The following TBC1D2B variants were observed in gnomAD, a reference collection of about 807,000 sequenced individuals.
TBC1D2B encodes TBC1 domain family member 2B.
In TBC1D2B, 64 loss-of-function variants were observed where a neutral mutation model predicts 100.8. The ratio of observed to expected loss-of-function variants is 0.64; its 90% CI spans 0.52 to 0.78. The LOEUF is 0.78. Ranked by LOEUF, TBC1D2B falls within the 30% of genes least tolerant of loss-of-function variation. The pLI is 0.00. For synonymous variants in TBC1D2B, 480 were observed against 479.7 expected, an observed-to-expected ratio of 1.00 and a Z score of -0.01; for missense variants, 1,052 against 1,218.4, an observed-to-expected ratio of 0.86 and a Z score of 2.03.
chr15:78,039,785 C>T (rs903000726), intron 3 of TBC1D2B, among the ~76,000 whole-genome samples: 7 of 148,486 alleles, frequency 4.7e-5, no homozygotes, highest in South Asian at 4.3e-4. Flanking sequence ...CACACACACA[C>T]GCAATTTACT....
intron 12 of TBC1D2B, among the ~76,000 whole-genome samples, chr15:78,001,195 T>C (rs575287716): frequency 6.6e-6 from 1 of 152,322 alleles, no homozygotes; most frequent in Admixed American, 6.5e-5. Context: ...CCCAGCTTAT[T>C]TGGCCTTTCT....
chr15:78,040,648 AAG>A (rs1219678327), intron 3 of TBC1D2B, among the ~76,000 whole-genome samples: 22 of 28,466 alleles, frequency 7.7e-4, no homozygotes, highest in Admixed American at 2.9e-3. Context: ...GAAAGAAAGG[AAG>A]AGAAAGAAAG....
At position 78,064,091 on chromosome 15, in the gene TBC1D2B, C is replaced by T. The variant is rs549180282; in HGVS notation, c.361-9904G>A. Among the ~76,000 whole-genome samples, 3 of 152,254 alleles carry T rather than the reference C, an allele frequency of 2.0e-5. No homozygotes were observed. In the South Asian group the frequency reaches 6.2e-4, roughly 32 times the overall value. On this transcript the variant is annotated intron_variant, in intron 1 of 12. Transcript: ENST00000300584. Reference sequence around the variant, plus strand: ...GCCCCACACTCCACAGAACTATAACCTTTCTCCCACACAAAAGGCCCACAA... The same window carrying T: ...GCCCCACACTCCACAGAACTATAACTTTTCTCCCACACAAAAGGCCCACAA...
chr15:78,068,577 G>C (rs1342202298), intron 1 of TBC1D2B, among the ~76,000 whole-genome samples: 1 of 152,208 alleles, frequency 6.6e-6, no homozygotes, highest in East Asian at 1.9e-4. Context: ...TCAAAGACTA[G>C]ACCAGGAGCA....
intron 2 of TBC1D2B, 134 bp from the exon 3 acceptor site, chr15:78,045,202 A>AT: frequency 1.4e-6 from 1 of 729,972 alleles, no homozygotes; most frequent in Non-Finnish European, 2.1e-6. Flanking sequence ...TGTATACTAC[A>AT]TAAAAACATA....
chr15:78,048,661 G>C (rs867672517), intron 2 of TBC1D2B, among the ~76,000 whole-genome samples: 67 of 152,338 alleles, frequency 4.4e-4, no homozygotes, highest in Middle Eastern at 3.4e-3. Flanking sequence ...TAAATCCAGT[G>C]TGAACCCGGG....
At position 78,013,088 on chromosome 15, in the gene TBC1D2B, A is replaced by G; in HGVS notation, c.2005T>C (p.Ser669Pro). ...TCCACACACCACTTCCACACCTTGG[A>G]ACGGTGCTCGTGGGGAATGCCCGCA... ...IRAGIPHEHR[S>P]KVWKWCVDRH... The change falls in exon 9 of 13, where the codon TCC becomes CCC. Residue 669 changes from serine (S) to proline (P), a missense_variant. Transcript: ENST00000300584. 1 of 1,613,970 alleles carries G rather than the reference A, an allele frequency of 6.2e-7. No individual in the cohort carries two copies. The highest frequency in any genetic ancestry group is 8.5e-7 in the Non-Finnish European group (1 of 1,179,880).
chr15:78,018,440 A>G (rs2072431618), intron 6 of TBC1D2B, among the ~76,000 whole-genome samples: 1 of 152,252 alleles, frequency 6.6e-6, no homozygotes, highest in Admixed American at 6.5e-5. Flanking sequence ...ATCACTCTTA[A>G]TAACAAATCC....
chr15:78,048,788 C>T (rs1318898883), intron 2 of TBC1D2B, among the ~76,000 whole-genome samples: 3 of 152,244 alleles, frequency 2.0e-5, no homozygotes, highest in Non-Finnish European at 4.4e-5. Context: ...TGCCTACAAC[C>T]GGACTGCCTC....
chr15:78,043,518 G>A (rs2073131323), intron 3 of TBC1D2B, among the ~76,000 whole-genome samples: 1 of 152,084 alleles, frequency 6.6e-6, no homozygotes, highest in South Asian at 2.1e-4. Flanking sequence ...TCCCACCTCA[G>A]CCTCCAAGTA....
chr15:78,052,979 C>G (rs552058418), intron 2 of TBC1D2B, among the ~76,000 whole-genome samples: 1 of 152,302 alleles, frequency 6.6e-6, no homozygotes, highest in South Asian at 2.1e-4. Context: ...AAAACTCTCA[C>G]AGAAAACATA....
chr15:78,055,580 C>T (rs1262353780), intron 1 of TBC1D2B, among the ~76,000 whole-genome samples: 24 of 152,158 alleles, frequency 1.6e-4, no homozygotes, highest in Non-Finnish European at 1.5e-5. Flanking sequence ...TAGCCCTAGA[C>T]CAAACTACTA....
intron 1 of TBC1D2B, among the ~76,000 whole-genome samples, chr15:78,072,374 G>A (rs140381325): frequency 9.8e-5 from 15 of 152,344 alleles, no homozygotes; most frequent in Admixed American, 2.6e-4. Context: ...GCCATGAAAA[G>A]TTAAATTCCC....
At position 78,016,630 on chromosome 15, in the gene TBC1D2B, A is replaced by G; in HGVS notation, c.1691T>C (p.Val564Ala). 1 of 1,611,636 alleles carries G rather than the reference A, an allele frequency of 6.2e-7. No individual in the cohort carries two copies. Among genetic ancestry groups the G allele is most frequent in the South Asian group, 1.1e-5 (1 of 90,696 alleles). ...AGCATCCTCCAGCAACTGGGCTATG[A>G]CCTCCCGGGTGGGCCCCTGGTCTTC... ...CSEDQGPTRE[V>A]IAQLLEDALQ... Residue 564 changes from valine (V) to alanine (A), a missense_variant, in exon 8 of 13, where the codon GTC becomes GCC. Val to Ala is a moderately conservative substitution (Grantham distance 64). This residue lies in a region of TBC1D2B where 373 missense variants were observed against 464.9 expected (regional missense o/e 0.80). Coordinates refer to ENST00000300584, the MANE Select transcript of TBC1D2B (RefSeq NM_144572.2).
chr15:77,999,423 A>G, intron 12 of TBC1D2B: 2 of 365,982 alleles, frequency 5.5e-6, no homozygotes, highest in Non-Finnish European at 1.1e-5. Context: ...CAGAGGCTTA[A>G]GGTCAGAAAG....
chr15:78,060,804 C>T (rs766403448), intron 1 of TBC1D2B, among the ~76,000 whole-genome samples: 8 of 152,102 alleles, frequency 5.3e-5, no homozygotes, highest in African/African-American at 1.9e-4. Context: ...GTAATCCCAG[C>T]TACTCGGGAG....
chr15:78,047,703 G>C (rs1462947514), intron 2 of TBC1D2B, among the ~76,000 whole-genome samples: 5 of 152,190 alleles, frequency 3.3e-5, no homozygotes, highest in Non-Finnish European at 7.3e-5. Flanking sequence ...CAGGACACTA[G>C]AGTCCAGAGC....
chr15:78,077,647 C>T lies in TBC1D2B; in HGVS notation c.6G>A (p.Pro2=), dbSNP rs2073855104. ...CCTCCTCCGCCCGGGCTCCGGCCCC[C>T]GGCATCGCTACCGCGCGCCAACCGT... is the stretch of plus-strand genomic sequence containing the variant. The part of the protein sequence containing the change: M[P]GAGARAEEGG... Residue 2 remains proline (P), a synonymous_variant, in exon 1 of 13, where the codon CCG becomes CCA. Coordinates refer to ENST00000300584, the MANE Select transcript of TBC1D2B (RefSeq NM_144572.2). The T allele has an allele frequency of 2.0e-6, 2 of 990,658 alleles. No homozygotes were observed. Among genetic ancestry groups the T allele is most frequent in the Admixed American group, 1.2e-4 (2 of 16,324 alleles). 61.4% of individuals were successfully genotyped at this position (990,658 alleles called of 1,614,324 possible).
At chr15:78,070,376 G>A (rs1410224322) in intron 1 of TBC1D2B, among the ~76,000 whole-genome samples, 1 of 151,960 alleles carries the variant, frequency 6.6e-6, no homozygotes, top group African/African-American at 2.4e-5. Flanking sequence ...AACTATACAT[G>A]CATTGCATAT....
Sources: allele counts gnomAD v4.1 joint callset (sites outside exome capture counted in the v4.1 genomes callset), GRCh38; gene constraint gnomAD v4.1.1; regional missense constraint gnomAD v4.1.1; transcripts MANE v1.5; gene names NCBI Gene and HGNC (gene_info 2026-07-23, HGNC 2026-07-21).